The following WDFY4 variants were observed in gnomAD, a reference collection of about 807,000 sequenced individuals.
WDFY4 encodes WDFY family member 4, also known as WD repeat- and FYVE domain-containing protein 4.
A neutral mutation model predicts 351.9 loss-of-function variants in WDFY4; 169 were observed. The ratio of observed to expected loss-of-function variants is 0.48; its 90% CI spans 0.42 to 0.55. WDFY4 has a LOEUF of 0.55. Among genes scored for constraint, WDFY4 ranks in the 20% least tolerant of loss-of-function variants. The pLI, the probability that WDFY4 is intolerant of heterozygous loss-of-function variation, is 0.00. For synonymous variants in WDFY4, 1,622 were observed against 1,574.6 expected (o/e 1.03, Z -0.71); for missense variants, 3,803 against 3,935.6 (o/e 0.97, Z 0.90).
intron 43 of WDFY4, among the ~76,000 whole-genome samples, chr10:48,882,579 A>T (rs1048867528): frequency 6.6e-6 from 1 of 152,136 alleles, no homozygotes; most frequent in African/African-American, 2.4e-5. Flanking sequence ...GGGTGTACAC[A>T]AAACGTGGTG....
rs2064902914 is a variant in WDFY4, at chr10:48,743,071, T to G, written c.1982T>G (p.Leu661Arg). 8 of 1,551,646 alleles carry G rather than the reference T, an allele frequency of 5.2e-6. No individual in the cohort carries two copies. Among genetic ancestry groups the G allele is most frequent in the Non-Finnish European group, 6.1e-6 (7 of 1,146,992 alleles). Residue 661 changes from leucine (L) to arginine (R), a missense_variant, in exon 12 of 62, where the codon CTC becomes CGC. Physicochemically the swap from Leu to Arg is moderately radical, Grantham distance 102. This residue lies in a region of WDFY4 where 3,054 missense variants were observed against 3,148.6 expected (regional missense o/e 0.97). Transcript: ENST00000325239. ...LSLLSDLEGS[L>R]QEPPLQAWGA... Reference sequence around the variant, plus strand: ...CTGCTCTCTGACCTGGAAGGCTCCCTCCAGGAGCCCCCGCTGCAGGCATGG... The same window carrying G: ...CTGCTCTCTGACCTGGAAGGCTCCCGCCAGGAGCCCCCGCTGCAGGCATGG...
chr10:48,735,780 T>G, intron 10 of WDFY4, 100 bp from the exon 11 acceptor site: 1 of 1,239,336 alleles, frequency 8.1e-7, no homozygotes, highest in Non-Finnish European at 1.1e-6. Flanking sequence ...AATAGCAAAA[T>G]GAAGTTTGAA....
intron 3 of WDFY4, among the ~76,000 whole-genome samples, chr10:48,720,757 AG>A (rs1489788100): frequency 9.2e-5 from 14 of 152,208 alleles, no homozygotes; most frequent in Non-Finnish European, 1.3e-4. Flanking sequence ...AAAGACACAG[AG>A]GCCAAAGTGC....
intron 53 of WDFY4, among the ~76,000 whole-genome samples, chr10:48,960,154 G>A (rs905475349): frequency 6.6e-6 from 1 of 152,212 alleles, no homozygotes; most frequent in African/African-American, 2.4e-5. Flanking sequence ...GTTCAGAGAG[G>A]GTTTGGAGCC....
chr10:48,970,376 G>C, intron 57 of WDFY4, 87 bp downstream of exon 57: 1 of 1,487,680 alleles, frequency 6.7e-7, no homozygotes. Flanking sequence ...TGGCACCTGG[G>C]CAGGTGTGGT....
At chr10:48,833,238 G>A (rs909717688) in intron 39 of WDFY4, among the ~76,000 whole-genome samples, 6 of 152,064 alleles carry the variant, frequency 3.9e-5, no homozygotes, top group Non-Finnish European at 7.4e-5. Context: ...TACGGTGGGT[G>A]GGGGGACAGG....
chr10:48,913,684 T>G (rs1342321442), intron 47 of WDFY4: 8 of 1,612,980 alleles, frequency 5.0e-6, no homozygotes, highest in Non-Finnish European at 6.8e-6. Context: ...ACGGGGATGT[T>G]GTTCAGTAGG....
chr10:48,749,329 C>T (rs772589139), intron 12 of WDFY4, among the ~76,000 whole-genome samples: 2 of 151,982 alleles, frequency 1.3e-5, no homozygotes, highest in Non-Finnish European at 2.9e-5. Context: ...ATCACATGCA[C>T]ATATACATAC....
chr10:48,926,900 G>A (rs6537585), intron 47 of WDFY4, among the ~76,000 whole-genome samples: 3,340 of 152,292 alleles, frequency 0.022, 113 homozygotes, highest in African/African-American at 0.076. Context: ...AGCTTCTCCA[G>A]TCCCTGCAGG....
chr10:48,734,465 A>G (rs568904577), intron 10 of WDFY4, among the ~76,000 whole-genome samples: 2 of 151,900 alleles, frequency 1.3e-5, no homozygotes, highest in African/African-American at 4.8e-5. Flanking sequence ...TAATCCATTC[A>G]AATTTTCTTT....
At chr10:48,925,298 G>A (rs1264000941) in intron 47 of WDFY4, among the ~76,000 whole-genome samples, 2 of 152,142 alleles carry the variant, frequency 1.3e-5, no homozygotes, top group East Asian at 1.9e-4. Context: ...AAAGAGAGGC[G>A]GGGCTGTATC....
intron 1 of WDFY4, among the ~76,000 whole-genome samples, chr10:48,702,539 C>T (rs1376610245): frequency 2.0e-5 from 3 of 152,098 alleles, no homozygotes; most frequent in Non-Finnish European, 4.4e-5. Flanking sequence ...TGAGATGCAG[C>T]CAGGGTGCTG....
At position 48,978,499 on chromosome 10, in the gene WDFY4, AGCCTAGGGAG is replaced by A. The variant is rs990524901; in HGVS notation, c.9376+114_9376+123del. ...GCTGCAGCTCCTCCCAGGTCTGCCCAGCCTAGGGAGGCCTAGGAAGGCACAGAGAGGTTCA... is the reference window on the plus strand; with the variant it reads ...GCTGCAGCTCCTCCCAGGTCTGCCCAGCCTAGGAAGGCACAGAGAGGTTCA... On this transcript the variant is annotated intron_variant, in intron 60 of 61. Transcript: ENST00000325239. The A allele has an allele frequency of 2.6e-5, 29 of 1,109,604 alleles. No individual in the cohort carries two copies. The African/African-American group carries it at 4.3e-4, about 16-fold the overall frequency. 68.7% of individuals were successfully genotyped at this position (1,109,604 alleles called of 1,614,324 possible). A position where few individuals can be genotyped will look rare whatever the true frequency, so the allele number is the denominator to read the frequency against.
intron 42 of WDFY4, 75 bp from the exon 43 acceptor site, chr10:48,876,955 TAGG>T: frequency 2.2e-6 from 3 of 1,347,104 alleles, no homozygotes; most frequent in Non-Finnish European, 2.9e-6. Flanking sequence ...CTTGGTGATG[TAGG>T]CACATGCTGT....
At chr10:48,739,026 T>C (rs909461063) in intron 11 of WDFY4, among the ~76,000 whole-genome samples, 2 of 152,238 alleles carry the variant, frequency 1.3e-5, no homozygotes, top group Non-Finnish European at 2.9e-5. Flanking sequence ...TAAAGAATAA[T>C]GTAAGCAAAT....
chr10:48,804,603 C>A, intron 25 of WDFY4: 5 of 316,768 alleles, frequency 1.6e-5, no homozygotes, highest in Non-Finnish European at 2.3e-5. Flanking sequence ...AGTGAGGAAT[C>A]TGCCCAAAGT....
intron 47 of WDFY4, chr10:48,910,234 A>T (rs746862775): frequency 1.2e-5 from 19 of 1,612,596 alleles, no homozygotes; most frequent in Non-Finnish European, 1.5e-5. Flanking sequence ...TGCCACAGCT[A>T]CTCTAGGAAG....
chr10:48,768,409 C>G (rs2132567760), intron 13 of WDFY4, among the ~76,000 whole-genome samples: 1 of 141,466 alleles, frequency 7.1e-6, no homozygotes, highest in Non-Finnish European at 1.5e-5. Flanking sequence ...TCATGACCCC[C>G]CAACCTTTTG....
At chr10:48,739,013 A>G (rs2064764815) in intron 11 of WDFY4, among the ~76,000 whole-genome samples, 1 of 152,232 alleles carries the variant, frequency 6.6e-6, no homozygotes, top group South Asian at 2.1e-4. Flanking sequence ...ATGATAACTG[A>G]GTTAAAGAAT....
Sources: gnomAD v4.1 joint callset for allele counts (sites outside exome capture counted in the v4.1 genomes callset) on GRCh38, gnomAD v4.1.1 for gene constraint, gnomAD v4.1.1 regional missense constraint, MANE v1.5 for transcripts, NCBI Gene and HGNC (gene_info 2026-07-23, HGNC 2026-07-21) for gene names.